Variants in CRBN observed in about 807,000 individuals in gnomAD.
CRBN encodes the protein cereblon, also known as protein cereblon.
In CRBN, 53 loss-of-function variants were observed where a neutral mutation model predicts 62.2. The observed-to-expected ratio is 0.85, with a 90% CI of 0.68 to 1.07. The LOEUF (loss-of-function observed/expected upper bound fraction) is 1.07, where lower values mean the gene tolerates loss of function less well. Among genes scored for constraint, CRBN ranks in the 50% least tolerant of loss-of-function variants. The pLI is 0.00. For missense variants in CRBN, 616 were observed against 531.1 expected (o/e 1.16, Z -1.57); for synonymous variants, 208 against 176.1 (o/e 1.18, Z -1.43).
intron 1 of CRBN, among the ~76,000 whole-genome samples, chr3:3,179,272 C>G (rs978359747): frequency 3.6e-4 from 55 of 152,184 alleles, no homozygotes; most frequent in African/African-American, 1.3e-3. Flanking sequence ...AGGAAGGAGA[C>G]CAGCAAAAGT....
intron 4 of CRBN, among the ~76,000 whole-genome samples, chr3:3,168,109 C>A (rs76622291): frequency 0.046 from 7,024 of 151,692 alleles, 197 homozygotes; most frequent in Middle Eastern, 0.062. Context: ...AACCAACATA[C>A]AACCAACTAC....
intron 4 of CRBN, among the ~76,000 whole-genome samples, chr3:3,171,582 T>C (rs904342878): frequency 1.3e-5 from 2 of 152,178 alleles, no homozygotes; most frequent in African/African-American, 2.4e-5. Flanking sequence ...TCTGGAAAAG[T>C]ACCTGGGGAG....
intron 1 of CRBN, among the ~76,000 whole-genome samples, chr3:3,176,306 A>G (rs1305057575): frequency 6.6e-6 from 1 of 152,216 alleles, no homozygotes; most frequent in Non-Finnish European, 1.5e-5. Context: ...CTCAACTTCA[A>G]TCAGTTCCTA....
Position 3,153,642 on chromosome 3 carries a change from G to T in CRBN, c.952-154C>A, listed in dbSNP as rs546193693. 56 of 652,650 alleles carry T rather than the reference G, an allele frequency of 8.6e-5. 1 individual carries two copies. The South Asian group carries it at 9.0e-4, about 10-fold the overall frequency. 40.4% of individuals were successfully genotyped at this position (652,650 alleles called of 1,614,324 possible). On this transcript the variant is annotated intron_variant, in intron 8 of 10. Transcript: ENST00000231948. Reference sequence around the variant, plus strand: ...AGCATTCAAAAACACTTTTAAAGATGGAGCACGAAAGTCACTGAAACTGAG... The same window carrying T: ...AGCATTCAAAAACACTTTTAAAGATTGAGCACGAAAGTCACTGAAACTGAG...
chr3:3,171,352 T>C (rs1707605241), intron 4 of CRBN, among the ~76,000 whole-genome samples: 2 of 152,186 alleles, frequency 1.3e-5, no homozygotes, highest in South Asian at 4.1e-4. Context: ...AAATCCACAG[T>C]AACAAAACAG....
At chr3:3,171,244 C>T (rs1220370384) in intron 4 of CRBN, among the ~76,000 whole-genome samples, 1 of 152,160 alleles carries the variant, frequency 6.6e-6, no homozygotes, top group Non-Finnish European at 1.5e-5. Flanking sequence ...ATATACTTTT[C>T]CCCAAGTCAA....
intron 5 of CRBN, among the ~76,000 whole-genome samples, chr3:3,157,185 T>G (rs542967226): frequency 3.3e-5 from 5 of 152,306 alleles, no homozygotes; most frequent in African/African-American, 1.2e-4. Flanking sequence ...ACTGCAGCAG[T>G]GCTAATAGCA....
At position 3,154,797 on chromosome 3, in the gene CRBN, C is replaced by T. The variant is rs150489082; in HGVS notation, c.785G>A (p.Arg262His). The T allele has an allele frequency of 1.4e-5, 22 of 1,607,056 alleles. No homozygotes were observed. The Middle Eastern group carries it at 2.0e-3, about 144-fold the overall frequency. ...TLMDRIKKQL[R>H]EWDENLKDDS... The stretch of plus-strand genomic sequence containing the variant: ...ATCTTTTAGATTTTCATCCCATTCA[C>T]GTAGCTGTTTCTTGATTCTGTCCAT... Residue 262 changes from arginine (R) to histidine (H), a missense_variant, in exon 7 of 11, where the codon CGT becomes CAT. By Grantham distance (29) the Arg-to-His change is conservative. Transcript: ENST00000231948.
chr3:3,164,391 A>G (rs1707246545), intron 5 of CRBN, among the ~76,000 whole-genome samples: 1 of 152,204 alleles, frequency 6.6e-6, no homozygotes, highest in Non-Finnish European at 1.5e-5. Context: ...GAAAGTTTTA[A>G]TGGTCTGGAC....
chr3:3,150,932 G>T lies in CRBN; in HGVS notation c.1262C>A (p.Ala421Asp). ...PQKFWGLTRS[A>D]LLPTIPDTED... ...AGTGTCTGGGATCGTGGGCAACAGA[G>T]CAGATCGCGTTAAGCCCCAAAATTT... Residue 421 changes from alanine (A) to aspartate (D), a missense_variant, in exon 11 of 11, where the codon GCT (alanine) becomes GAT (aspartate). Ala to Asp is a moderately radical substitution (Grantham distance 126). Coordinates refer to ENST00000231948, the MANE Select transcript of CRBN (RefSeq NM_016302.4). 4 of 1,613,988 alleles carry T rather than the reference G, an allele frequency of 2.5e-6. No homozygotes were observed. Among genetic ancestry groups the T allele is most frequent in the Non-Finnish European group, 3.4e-6 (4 of 1,179,946 alleles).
At chr3:3,160,566 C>T (rs755586539) in intron 5 of CRBN, among the ~76,000 whole-genome samples, 6 of 152,154 alleles carry the variant, frequency 3.9e-5, no homozygotes, top group Admixed American at 1.3e-4. Context: ...AAGCACCTGA[C>T]TATACATAGC....
intron 10 of CRBN, 66 bp downstream of exon 10, chr3:3,152,390 T>C: frequency 6.6e-7 from 1 of 1,509,354 alleles, no homozygotes; most frequent in African/African-American, 1.4e-5. Flanking sequence ...TGCTTAGGAC[T>C]CTGGATTTTT....
intron 1 of CRBN, among the ~76,000 whole-genome samples, chr3:3,178,387 G>C (rs1422987209): frequency 1.3e-5 from 2 of 152,134 alleles, no homozygotes; most frequent in Non-Finnish European, 2.9e-5. Context: ...AATCTTCCAA[G>C]CATAGATTTC....
Position 3,156,212 on chromosome 3 carries a change from T to C in CRBN, c.750+7A>G. 1.2e-6 allele frequency: 2 copies of C among 1,609,470 alleles called. No individual in the cohort carries two copies. Among genetic ancestry groups the C allele is most frequent in the Non-Finnish European group, 1.7e-6 (2 of 1,175,944 alleles). On this transcript the variant is annotated splice_region_variant and intron_variant, in intron 6 of 10. Coordinates refer to ENST00000231948, the MANE Select transcript of CRBN (RefSeq NM_016302.4). ...TATATAAAGTAAATTTAAGGTAAGTTACTTACAGCATCATATAAGGAATAC... is the reference window on the plus strand; with the variant it reads ...TATATAAAGTAAATTTAAGGTAAGTCACTTACAGCATCATATAAGGAATAC...
At chr3:3,177,849 G>A (rs1478692457) in intron 1 of CRBN, among the ~76,000 whole-genome samples, 1 of 152,062 alleles carries the variant, frequency 6.6e-6, no homozygotes, top group Non-Finnish European at 1.5e-5. Context: ...TTGGAACTTA[G>A]AGGATTTACT....
chr3:3,173,492 C>T (rs1707710555), intron 3 of CRBN, among the ~76,000 whole-genome samples: 1 of 152,184 alleles, frequency 6.6e-6, no homozygotes, highest in Non-Finnish European at 1.5e-5. Context: ...AAACTCATTT[C>T]CCAAACCAAA....
At chr3:3,163,960 G>A (rs1707233762) in intron 5 of CRBN, among the ~76,000 whole-genome samples, 1 of 152,030 alleles carries the variant, frequency 6.6e-6, no homozygotes, top group African/African-American at 2.4e-5. Flanking sequence ...CTTTTTCATT[G>A]TTATATCTGT....
At chr3:3,156,185 CAT>C (rs756831886) in intron 6 of CRBN, 32 bp downstream of exon 6, 1 of 1,545,722 alleles carries the variant, frequency 6.5e-7, no homozygotes. Context: ...CATGGCCTAC[CAT>C]ATATAAAGTA....
intron 6 of CRBN, 195 bp downstream of exon 6, chr3:3,156,024 G>C: frequency 1.7e-6 from 1 of 573,330 alleles, no homozygotes; most frequent in Non-Finnish European, 3.2e-6. Flanking sequence ...GGCTGGTCTT[G>C]AATGCCTGGC....
Sources: allele counts gnomAD v4.1 joint callset (sites outside exome capture counted in the v4.1 genomes callset), GRCh38; gene constraint gnomAD v4.1.1; transcripts MANE v1.5; gene names NCBI Gene and HGNC (gene_info 2026-07-23, HGNC 2026-07-21).